IGF2BP1: variants seen among roughly 807,000 people sequenced by gnomAD.
The protein encoded by IGF2BP1 is insulin like growth factor 2 mRNA binding protein 1.
A neutral mutation model predicts 74.9 loss-of-function variants in IGF2BP1; 11 were observed. That is an observed-to-expected ratio of 0.15 (90% confidence interval 0.09 to 0.24). The LOEUF (loss-of-function observed/expected upper bound fraction) is 0.24. Ranked by LOEUF, IGF2BP1 falls within the 10% of genes least tolerant of loss-of-function variation. IGF2BP1 has a pLI of 1.00. For synonymous variants in IGF2BP1, 287 were observed against 281.8 expected (o/e 1.02, Z -0.18); for missense variants, 440 against 757.4 (o/e 0.58, Z 4.92).
At chr17:49,033,948 T>G (rs2041952806) in intron 5 of IGF2BP1, among the ~76,000 whole-genome samples, 2 of 151,722 alleles carry the variant, frequency 1.3e-5, no homozygotes, top group Non-Finnish European at 2.9e-5. Flanking sequence ...GCCTCTAAAG[T>G]AGCTGGGATA....
Position 49,036,914 on chromosome 17 carries a change from G to A in IGF2BP1, c.402-1254G>A, listed in dbSNP as rs2041996160. ...GATCACGCCATTGCACTGCAGCCTGGGCAATGAGCAAAACTCTGTCTCAAG... is the reference window on the plus strand; with the variant it reads ...GATCACGCCATTGCACTGCAGCCTGAGCAATGAGCAAAACTCTGTCTCAAG... On this transcript the variant is annotated intron_variant, in intron 5 of 14. Coordinates refer to ENST00000290341, the MANE Select transcript of IGF2BP1 (RefSeq NM_006546.4). The A allele has an allele frequency of 2.9e-5, 5 of 174,572 alleles. No individual in the cohort carries two copies. The South Asian group carries it at 6.6e-4, about 23-fold the overall frequency. The allele number at this position is 174,572 out of a possible 1,614,324, so 10.8% of individuals were successfully genotyped here. A position where few individuals can be genotyped will look rare whatever the true frequency, so the allele number is the denominator to read the frequency against.
chr17:49,026,735 TCCTG>T (rs139894403), intron 4 of IGF2BP1, among the ~76,000 whole-genome samples: 29 of 112,922 alleles, frequency 2.6e-4, no homozygotes, highest in South Asian at 9.3e-4. Flanking sequence ...CTTCCTGCCT[TCCTG>T]CCTGCCTTCC....
chr17:49,045,877 C>A lies in IGF2BP1; in HGVS notation c.1396-13C>A. 6.2e-7 allele frequency: 1 copy of A among 1,612,200 alleles called. No individual in the cohort carries two copies. Among genetic ancestry groups the A allele is most frequent in the Non-Finnish European group, 8.5e-7 (1 of 1,178,968 alleles). On this transcript the variant is annotated splice_polypyrimidine_tract_variant and intron_variant, in intron 12 of 14. Coordinates refer to ENST00000290341, the MANE Select transcript of IGF2BP1 (RefSeq NM_006546.4). ...ATATGAACCACTGATTAACAATTACCTCCTCTTCTCAGGCTCAGGGAAGAA... is the reference window on the plus strand; with the variant it reads ...ATATGAACCACTGATTAACAATTACATCCTCTTCTCAGGCTCAGGGAAGAA...
intron 4 of IGF2BP1, among the ~76,000 whole-genome samples, chr17:49,027,123 T>C (rs1282676263): frequency 2.0e-5 from 3 of 152,136 alleles, no homozygotes; most frequent in Admixed American, 6.5e-5. Context: ...GGGAAATACA[T>C]TGGATTGGGG....
At position 49,040,007 on chromosome 17, in the gene IGF2BP1, G is replaced by C; in HGVS notation, c.734G>C (p.Ser245Thr). 2.5e-6 allele frequency: 4 copies of C among 1,613,654 alleles called. No individual in the cohort carries two copies. Among genetic ancestry groups the C allele is most frequent in the Non-Finnish European group, 2.5e-6 (3 of 1,180,024 alleles). Reference protein sequence around the residue: ...ENAGAAEKAISVHSTPEGCSS... With the variant: ...ENAGAAEKAITVHSTPEGCSS... ...GCAGGTGCAGCTGAAAAAGCCATCA[G>C]TGTGCACTCCACCCCTGAGGGCTGC... The change falls in exon 7 of 15, where the codon AGT becomes ACT. Residue 245 changes from serine to threonine, a missense_variant. Physicochemically the swap from Ser to Thr is moderately conservative, Grantham distance 58 (BLOSUM62 1). Coordinates refer to ENST00000290341, the MANE Select transcript of IGF2BP1 (RefSeq NM_006546.4).
intron 2 of IGF2BP1, chr17:49,014,653 C>G (rs1430799255): frequency 6.7e-6 from 3 of 448,094 alleles, no homozygotes; most frequent in Non-Finnish European, 8.8e-6. Context: ...TGTTTCCCAC[C>G]GCAGGTCATG....
chr17:49,025,356 GTT>G (rs1491011702), intron 2 of IGF2BP1, among the ~76,000 whole-genome samples: 22 of 147,890 alleles, frequency 1.5e-4, no homozygotes, highest in Admixed American at 3.4e-4. Context: ...GTGTGTGTGT[GTT>G]GGGAATGTTA....
chr17:49,044,134 T>G (rs779593035), intron 11 of IGF2BP1, 48 bp downstream of exon 11: 3 of 1,602,828 alleles, frequency 1.9e-6, no homozygotes, highest in South Asian at 2.2e-5. Context: ...GAGGGGTCTC[T>G]GCTTTTATCA....
In IGF2BP1 at chr17:48,997,878, C is replaced by G; in HGVS notation, c.133C>G (p.Pro45Ala). The stretch of plus-strand genomic sequence containing the variant: ...ATCCGGCTACGCCTTCGTGGACTGC[C>G]CGGACGAGCACTGGGCGATGAAGGC... ...VKSGYAFVDC[P>A]DEHWAMKAIE... The change falls in exon 1 of 15, where the codon CCG (proline) becomes GCG (alanine). Residue 45 changes from proline (P) to alanine (A), a missense_variant. Pro to Ala is a conservative substitution (Grantham distance 27). Around this residue, in one of 5 missense-constraint regions of IGF2BP1, gnomAD observed 105 missense variants for 199.4 expected, o/e 0.53. Transcript: ENST00000290341. The surrounding 1 kb of genome is among the most constrained non-coding windows in gnomAD (Gnocchi z 4.8). 6.2e-7 allele frequency: 1 copy of G among 1,614,158 alleles called. No homozygotes were observed. The highest frequency in any genetic ancestry group is 8.5e-7 in the Non-Finnish European group (1 of 1,180,008).
intron 2 of IGF2BP1, among the ~76,000 whole-genome samples, chr17:49,011,321 A>G (rs2041617288): frequency 6.6e-6 from 1 of 152,036 alleles, no homozygotes; most frequent in African/African-American, 2.4e-5. Flanking sequence ...TCTCTTCTTG[A>G]GCATCTTTGC....
intron 2 of IGF2BP1, 26 bp downstream of exon 2, chr17:48,999,195 G>A: frequency 1.4e-6 from 1 of 719,724 alleles, no homozygotes; most frequent in Non-Finnish European, 2.3e-6. Flanking sequence ...TTTCGGGGGG[G>A]GTGGGGGGGC....
intron 2 of IGF2BP1, among the ~76,000 whole-genome samples, chr17:49,013,243 C>G (rs1436932243): frequency 6.6e-6 from 1 of 152,190 alleles, no homozygotes; most frequent in Non-Finnish European, 1.5e-5. Context: ...ATGTCCTACT[C>G]TGCATGGGGG....
chr17:49,037,252 G>T, intron 5 of IGF2BP1: 1 of 450,280 alleles, frequency 2.2e-6, no homozygotes, highest in South Asian at 2.2e-5. Context: ...AAGAACTCTG[G>T]AACCCTTACG....
chr17:49,006,517 C>G (rs1007239455), intron 2 of IGF2BP1, among the ~76,000 whole-genome samples: 6 of 152,220 alleles, frequency 3.9e-5, no homozygotes, highest in Non-Finnish European at 8.8e-5. Flanking sequence ...TGACTTCTGT[C>G]CCTCCTGCCC....
intron 2 of IGF2BP1, among the ~76,000 whole-genome samples, chr17:49,008,097 A>C (rs1021573916): frequency 2.0e-5 from 3 of 151,794 alleles, no homozygotes; most frequent in African/African-American, 7.3e-5. Context: ...GCTTGAACCC[A>C]GGAGGCAGAG....
At chr17:49,015,354 G>C (rs1183301846) in intron 2 of IGF2BP1, among the ~76,000 whole-genome samples, 1 of 152,174 alleles carries the variant, frequency 6.6e-6, no homozygotes, top group Non-Finnish European at 1.5e-5. Flanking sequence ...TCTCCAGAGA[G>C]GCGGGGCCGG....
intron 4 of IGF2BP1, among the ~76,000 whole-genome samples, chr17:49,028,861 G>T (rs1254407258): frequency 6.6e-6 from 1 of 152,158 alleles, no homozygotes; most frequent in Non-Finnish European, 1.5e-5. Flanking sequence ...AGGCTGGAGT[G>T]CAGTGGTGCG....
intron 11 of IGF2BP1, 137 bp downstream of exon 11, chr17:49,044,223 C>A: frequency 7.9e-7 from 1 of 1,261,090 alleles, no homozygotes; most frequent in Non-Finnish European, 1.1e-6. Flanking sequence ...CCCATGGAAT[C>A]GAAGTCCTCT....
chr17:49,042,625 T>C (rs1271297062), intron 9 of IGF2BP1, among the ~76,000 whole-genome samples: 2 of 152,186 alleles, frequency 1.3e-5, no homozygotes, highest in East Asian at 3.8e-4. Flanking sequence ...TGTGTACAAT[T>C]TGTGTTTGTG....
Sources: allele counts gnomAD v4.1 joint callset (sites outside exome capture counted in the v4.1 genomes callset), GRCh38; gene constraint gnomAD v4.1.1; regional missense constraint gnomAD v4.1.1; non-coding constraint Gnocchi (gnomAD v3.1); transcripts MANE v1.5; gene names NCBI Gene and HGNC (gene_info 2026-07-23, HGNC 2026-07-21).